Variants in TBX21 observed in about 807,000 individuals in gnomAD.
TBX21 encodes the protein T-box transcription factor 21.
TBX21 carries 11 observed loss-of-function variants against 52.2 expected under a neutral mutation model. That is an observed-to-expected ratio of 0.21 (90% CI 0.13 to 0.35). The LOEUF (loss-of-function observed/expected upper bound fraction) is 0.35. Among genes scored for constraint, TBX21 ranks in the 10% least tolerant of loss-of-function variants. The pLI is 1.00. For synonymous variants in TBX21, 300 were observed against 316.1 expected (o/e 0.95, Z 0.54); for missense variants, 625 against 755.1 (o/e 0.83, Z 2.02).
intron 1 of TBX21, among the ~76,000 whole-genome samples, 154 bp downstream of exon 1, chr17:47,734,099 A>G (rs866004462): frequency 3.9e-5 from 6 of 152,234 alleles, no homozygotes; most frequent in African/African-American, 1.4e-4. Flanking sequence ...TGTTAGGAGG[A>G]CAGGGAAAGC....
Position 47,743,076 on chromosome 17 carries a change from C to CAA in TBX21, c.652_653insAA (p.Arg218GlnfsTer26). On this transcript the variant is annotated frameshift_variant, in exon 3 of 6. Transcript: ENST00000177694. LOFTEE classifies it high-confidence loss of function. ...AAGAGGTGAACTGTCCACAGGAAAC[C>CAA]GCCTGTACGTCCACCCGGACTCCCC... The CAA allele has an allele frequency of 6.2e-7, 1 of 1,614,116 alleles. No homozygotes were observed. Among genetic ancestry groups the CAA allele is most frequent in the Non-Finnish European group, 8.5e-7 (1 of 1,180,002 alleles).
In TBX21 at chr17:47,742,042, T is replaced by G. The variant is rs1045752116; in HGVS notation, c.492-568T>G. ...AGACAATAGTAAAACGTAAAATAACTGGGCAGTGATGATTTTTTAGTTTTT... is the reference window on the plus strand; with the variant it reads ...AGACAATAGTAAAACGTAAAATAACGGGGCAGTGATGATTTTTTAGTTTTT... On this transcript the variant is annotated intron_variant, in intron 1 of 5. Transcript: ENST00000177694. The surrounding 1 kb of genome is among the most constrained non-coding windows in gnomAD (Gnocchi z 4.4). 6.6e-6 allele frequency among the ~76,000 whole-genome samples: 1 copy of G among 151,328 alleles called. No individual in the cohort carries two copies. Among genetic ancestry groups the G allele is most frequent in the East Asian group, 1.9e-4 (1 of 5,170 alleles).
intron 1 of TBX21, among the ~76,000 whole-genome samples, chr17:47,738,319 G>A (rs188294795): frequency 1.3e-5 from 2 of 151,878 alleles, no homozygotes; most frequent in African/African-American, 2.4e-5. Flanking sequence ...CACCATGTCC[G>A]GCTAATTGTT....
At position 47,744,198 on chromosome 17, in the gene TBX21, A is replaced by G. The variant is rs747724254; in HGVS notation, c.772A>G (p.Ile258Val). 2 of 1,614,014 alleles carry G rather than the reference A, an allele frequency of 1.2e-6. No homozygotes were observed. The highest frequency in any genetic ancestry group is 2.2e-5 in the South Asian group (2 of 91,080). ...KGASNNVTQMIVLQSLHKYQP... is the reference protein window; with the variant it reads ...KGASNNVTQMVVLQSLHKYQP... ...AACCGTCTTGCTCTGTCTACAGATG[A>G]TTGTGCTCCAGTCCCTCCATAAGTA... Residue 258 changes from isoleucine to valine, a missense_variant, in exon 4 of 6, where the codon ATT (isoleucine) becomes GTT (valine). Ile to Val is a conservative substitution (Grantham distance 29). Transcript: ENST00000177694.
At position 47,733,587 on chromosome 17, in the gene TBX21, G is replaced by A. The variant is rs1310086564; in HGVS notation, c.133G>A (p.Ala45Thr). ...YFYPEPGAQDADERRGGGSLG... is the reference protein window; with the variant it reads ...YFYPEPGAQDTDERRGGGSLG... ...CTACCCGGAGCCGGGCGCGCAGGACGCGGACGAGCGTCGCGGGGGCGGCAG... is the reference window on the plus strand; with the variant it reads ...CTACCCGGAGCCGGGCGCGCAGGACACGGACGAGCGTCGCGGGGGCGGCAG... The change falls in exon 1 of 6, where the codon GCG becomes ACG. Residue 45 changes from alanine (A) to threonine (T), a missense_variant. Ala to Thr is a moderately conservative substitution (Grantham distance 58). Transcript: ENST00000177694. This position sits in a 1 kb window ranked among gnomAD's most constrained non-coding sequence, Gnocchi z 6.6. 5 of 1,460,102 alleles carry A rather than the reference G, an allele frequency of 3.4e-6. No homozygotes were observed. Among genetic ancestry groups the A allele is most frequent in the South Asian group, 1.3e-5 (1 of 74,672 alleles). The allele number at this position is 1,460,102 out of a possible 1,614,324, so 90.4% of individuals were successfully genotyped here.
chr17:47,737,809 A>G (rs1443580025), intron 1 of TBX21, among the ~76,000 whole-genome samples: 1 of 151,858 alleles, frequency 6.6e-6, no homozygotes, highest in Non-Finnish European at 1.5e-5. Flanking sequence ...TATTTTTAGT[A>G]GAGACGGGGT....
At chr17:47,734,471 G>A (rs1409438793) in intron 1 of TBX21, among the ~76,000 whole-genome samples, 2 of 152,006 alleles carry the variant, frequency 1.3e-5, no homozygotes, top group East Asian at 3.9e-4. Context: ...TGGTGTGTGT[G>A]TACGGGGGGA....
rs889782082 is a variant in TBX21 at position 47,733,654 on chromosome 17, C to A, written c.200C>A (p.Pro67Gln). The A allele has an allele frequency of 9.7e-6, 14 of 1,450,730 alleles. No homozygotes were observed. The highest frequency in any genetic ancestry group is 2.7e-5 in the Admixed American group (1 of 37,388). 89.9% of individuals were successfully genotyped at this position (1,450,730 alleles called of 1,614,324 possible). A position where few individuals can be genotyped will look rare whatever the true frequency, so the allele number is the denominator to read the frequency against. ...CCGGGGGGCGCCTTGGTGCCCGCCC[C>A]GCCGAGCCGCTTCCTTGGAGCCTAC... ...PYPGGALVPA[P>Q]PSRFLGAYAY... is the part of the protein sequence containing the mutation. The change falls in exon 1 of 6, where the codon CCG becomes CAG. Residue 67 changes from proline to glutamine, a missense_variant. This residue lies in a region of TBX21 where 221 missense variants were observed against 204.9 expected (regional missense o/e 1.08). Coordinates refer to ENST00000177694, the MANE Select transcript of TBX21 (RefSeq NM_013351.2). The surrounding 1 kb of genome is among the most constrained non-coding windows in gnomAD (Gnocchi z 6.6).
chr17:47,738,677 C>T (rs918314642), intron 1 of TBX21, among the ~76,000 whole-genome samples: 11 of 151,914 alleles, frequency 7.2e-5, no homozygotes, highest in Admixed American at 2.6e-4. Context: ...CTCTGCTCAC[C>T]GCAACCTCCG....
chr17:47,738,725 C>G (rs1432737861), intron 1 of TBX21, among the ~76,000 whole-genome samples: 3 of 152,074 alleles, frequency 2.0e-5, no homozygotes, highest in African/African-American at 7.2e-5. Context: ...CTCAGCCTCC[C>G]AAGTAGCTGG....
At chr17:47,740,175 C>G (rs1324334048) in intron 1 of TBX21, among the ~76,000 whole-genome samples, 1 of 151,836 alleles carries the variant, frequency 6.6e-6, no homozygotes, top group Non-Finnish European at 1.5e-5. Flanking sequence ...AAGCGATTCT[C>G]CTTGCCTCAG....
chr17:47,733,352 G>A lies in TBX21; in HGVS notation c.-103G>A. 7.5e-7 allele frequency: 1 copy of A among 1,334,764 alleles called. No individual in the cohort carries two copies. The highest frequency in any genetic ancestry group is 9.6e-7 in the Non-Finnish European group (1 of 1,044,600). 82.7% of individuals were successfully genotyped at this position (1,334,764 alleles called of 1,614,324 possible). On this transcript the variant is annotated 5_prime_UTR_variant, in exon 1 of 6. Coordinates refer to ENST00000177694, the MANE Select transcript of TBX21 (RefSeq NM_013351.2). This position sits in a 1 kb window ranked among gnomAD's most constrained non-coding sequence, Gnocchi z 6.6. ...GGTGGGGTCCCCCACCCGGCCCTCG[G>A]GTCCCCCGCCCCCTGCTCCCTGCCC...
rs12721470 is a variant in TBX21 at position 47,745,213 on chromosome 17, G to T, written c.1455G>T (p.Pro485=). The T allele has an allele frequency of 1.4e-5, 22 of 1,614,084 alleles. No individual in the cohort carries two copies. Among genetic ancestry groups the T allele is most frequent in the Non-Finnish European group, 1.6e-5 (19 of 1,180,040 alleles). The part of the protein sequence containing the change: ...LVWTEIAPIR[P]ESSDSGLGEG... ...GGACTGAGATTGCCCCCATCCGGCC[G>T]GAATCCAGTGATTCAGGACTGGGCG... is the stretch of plus-strand genomic sequence containing the variant. The change falls in exon 6 of 6, where the codon CCG becomes CCT. Residue 485 remains proline (P), a synonymous_variant. Coordinates refer to ENST00000177694, the MANE Select transcript of TBX21 (RefSeq NM_013351.2).
Position 47,745,620 on chromosome 17 carries a change from G to A in TBX21, c.*254G>A, listed in dbSNP as rs1203693141. On this transcript the variant is annotated 3_prime_UTR_variant, in exon 6 of 6. Coordinates refer to ENST00000177694, the MANE Select transcript of TBX21 (RefSeq NM_013351.2). The stretch of plus-strand genomic sequence containing the variant: ...ACTACAGTCGTTTACCTGGTGCTGC[G>A]TCTTGCTTTTGGTTTCCAGCTGGAG... 1.9e-5 allele frequency: 8 copies of A among 421,980 alleles called. No individual in the cohort carries two copies. Among genetic ancestry groups the A allele is most frequent in the South Asian group, 5.7e-5 (1 of 17,620 alleles). The allele number at this position is 421,980 out of a possible 1,614,324, so 26.1% of individuals were successfully genotyped here. A position where few individuals can be genotyped will look rare whatever the true frequency, so the allele number is the denominator to read the frequency against.
At position 47,739,484 on chromosome 17, in the gene TBX21, C is replaced by T. The variant is rs79028508; in HGVS notation, c.492-3126C>T. 8.2e-3 allele frequency among the ~76,000 whole-genome samples: 1,079 copies of T among 131,784 alleles called. 35 individuals carry two copies. The East Asian group carries it at 0.09, about 11-fold the overall frequency. 86.5% of individuals were successfully genotyped at this position (131,784 alleles called of 152,430 possible). A position where few individuals can be genotyped will look rare whatever the true frequency, so the allele number is the denominator to read the frequency against. On this transcript the variant is annotated intron_variant, in intron 1 of 5. Transcript: ENST00000177694. The stretch of plus-strand genomic sequence containing the variant: ...TTAAAAAAAAATCAGTATGGCCTGG[C>T]GCGGTGGCTCACCCCTGTAATCCCA...
At chr17:47,734,066 G>T (rs1212577476) in intron 1 of TBX21, 121 bp downstream of exon 1, 1 of 1,512,474 alleles carries the variant, frequency 6.6e-7, no homozygotes, top group Non-Finnish European at 9.0e-7. Context: ...TGGCTTCAGC[G>T]TAGGGAGACA....
Position 47,742,599 on chromosome 17 carries a change from CT to C in TBX21, c.492-9del. 2 of 1,593,380 alleles carry C rather than the reference CT, an allele frequency of 1.3e-6. No homozygotes were observed. Among genetic ancestry groups the C allele is most frequent in the South Asian group, 2.3e-5 (2 of 87,982 alleles). On this transcript the variant is annotated splice_polypyrimidine_tract_variant and intron_variant, in intron 1 of 5. Coordinates refer to ENST00000177694, the MANE Select transcript of TBX21 (RefSeq NM_013351.2). This position sits in a 1 kb window ranked among gnomAD's most constrained non-coding sequence, Gnocchi z 4.4. ...CTGATGGGTGCTGGGGGCTTTCTCT[CT>C]TCTCTCCAGGCGGATGTTCCCATTC...
At chr17:47,739,631 C>T (rs922716523) in intron 1 of TBX21, among the ~76,000 whole-genome samples, 3 of 151,732 alleles carry the variant, frequency 2.0e-5, no homozygotes, top group Non-Finnish European at 4.4e-5. Context: ...TGGTGGCGGG[C>T]GCCTGTAGTC....
intron 1 of TBX21, among the ~76,000 whole-genome samples, chr17:47,734,601 GT>G (rs2032185352): frequency 3.4e-5 from 4 of 116,262 alleles, no homozygotes; most frequent in African/African-American, 1.3e-4. Context: ...GTGTGTGTGT[GT>G]GTGTGTGTAT....
Sources: allele counts gnomAD v4.1 joint callset (sites outside exome capture counted in the v4.1 genomes callset), GRCh38; gene constraint gnomAD v4.1.1; regional missense constraint gnomAD v4.1.1; non-coding constraint Gnocchi (gnomAD v3.1); transcripts MANE v1.5; gene names NCBI Gene and HGNC (gene_info 2026-07-23, HGNC 2026-07-21).